The following CAMKMT variants were observed in gnomAD, a reference collection of about 807,000 sequenced individuals.
CAMKMT encodes the protein calmodulin-lysine N-methyltransferase, also known as CaM KMT.
In CAMKMT, 53 loss-of-function variants were observed where a neutral mutation model predicts 48.0. The ratio of observed to expected loss-of-function variants is 1.10; its 90% CI spans 0.89 to 1.39. The LOEUF is 1.39. CAMKMT is among the 40% of genes most tolerant of loss of function. The pLI is 0.00. For synonymous variants in CAMKMT, 165 were observed against 152.3 expected (o/e 1.08, Z -0.61); for missense variants, 428 against 402.7 (o/e 1.06, Z -0.54).
At chr2:44,637,348 A>G (rs1298353725) in intron 3 of CAMKMT, among the ~76,000 whole-genome samples, 4 of 152,244 alleles carry the variant, frequency 2.6e-5, no homozygotes, top group Non-Finnish European at 5.9e-5. Flanking sequence ...ACACCAGATT[A>G]TCATATTAAA....
intron 3 of CAMKMT, among the ~76,000 whole-genome samples, chr2:44,605,448 A>G (rs962810017): frequency 1.3e-5 from 2 of 152,262 alleles, no homozygotes; most frequent in East Asian, 1.9e-4. Context: ...ATTTTGGCAG[A>G]TGGAATCACA....
At chr2:44,675,393 A>T (rs1314743969) in intron 3 of CAMKMT, among the ~76,000 whole-genome samples, 1 of 152,126 alleles carries the variant, frequency 6.6e-6, no homozygotes, top group Non-Finnish European at 1.5e-5. Flanking sequence ...TAGAACTATT[A>T]AAGGGGCTTT....
intron 3 of CAMKMT, among the ~76,000 whole-genome samples, chr2:44,494,019 A>G (rs1470365783): frequency 6.6e-6 from 1 of 152,222 alleles, no homozygotes. Flanking sequence ...TCCATTTTAT[A>G]TAAACTTCAA....
At chr2:44,596,377 A>C (rs2103839749) in intron 3 of CAMKMT, among the ~76,000 whole-genome samples, 1 of 152,056 alleles carries the variant, frequency 6.6e-6, no homozygotes, top group Admixed American at 6.6e-5. Context: ...TAAACCCTGG[A>C]GGCGGAGGTT....
chr2:44,613,566 AG>A (rs1671712478), intron 3 of CAMKMT, among the ~76,000 whole-genome samples: 10 of 152,220 alleles, frequency 6.6e-5, no homozygotes, highest in Admixed American at 4.6e-4. Context: ...GGAAATAAAA[AG>A]GTGAATAAGT....
intron 8 of CAMKMT, 38 bp from the exon 9 acceptor site, chr2:44,754,017 C>T (rs1680266692): frequency 1.3e-6 from 2 of 1,544,312 alleles, no homozygotes; most frequent in African/African-American, 1.4e-5. Context: ...ACTTGAAAAC[C>T]CAGTTTAATC....
chr2:44,536,986 C>T lies in CAMKMT; in HGVS notation c.376+146681C>T, dbSNP rs573014357. 2.6e-5 allele frequency among the ~76,000 whole-genome samples: 4 copies of T among 152,140 alleles called. No homozygotes were observed. The Middle Eastern group carries it at 0.014, about 517-fold the overall frequency. On this transcript the variant is annotated intron_variant, in intron 3 of 10. Coordinates refer to ENST00000378494, the MANE Select transcript of CAMKMT (RefSeq NM_024766.5). ...CAGAAGAATGAAACTGGACCCATAT[C>T]TCTCTCCACGTACCAAAAAGCCAAC...
chr2:44,654,766 C>T (rs555363296), intron 3 of CAMKMT, among the ~76,000 whole-genome samples: 78 of 152,316 alleles, frequency 5.1e-4, no homozygotes, highest in African/African-American at 1.7e-3. Context: ...CCACCTGCTT[C>T]GGCCTCCCAA....
At chr2:44,506,546 A>G (rs909717897) in intron 3 of CAMKMT, among the ~76,000 whole-genome samples, 13 of 152,070 alleles carry the variant, frequency 8.5e-5, no homozygotes, top group Admixed American at 6.6e-4. Flanking sequence ...ATATTTTGGG[A>G]TAGATATTAT....
intron 3 of CAMKMT, among the ~76,000 whole-genome samples, chr2:44,438,621 G>A (rs937565906): frequency 4.6e-5 from 7 of 152,082 alleles, no homozygotes; most frequent in African/African-American, 1.7e-4. Flanking sequence ...ATCCCTACCT[G>A]TCTTCAGTTT....
chr2:44,506,046 G>A (rs539745402), intron 3 of CAMKMT, among the ~76,000 whole-genome samples: 2 of 152,060 alleles, frequency 1.3e-5, no homozygotes, highest in Admixed American at 6.5e-5. Context: ...TATAGAGACA[G>A]GATTTCACCA....
chr2:44,453,141 G>A (rs1041618556), intron 3 of CAMKMT, among the ~76,000 whole-genome samples: 20 of 151,918 alleles, frequency 1.3e-4, no homozygotes, highest in Admixed American at 1.2e-3. Context: ...AATTTGGTGT[G>A]CCTTGTGTTG....
chr2:44,605,502 G>T (rs1383834365), intron 3 of CAMKMT, among the ~76,000 whole-genome samples: 1 of 152,004 alleles, frequency 6.6e-6, no homozygotes, highest in Non-Finnish European at 1.5e-5. Flanking sequence ...ATACACACAG[G>T]TATATCATCA....
At chr2:44,642,168 A>G (rs944167690) in intron 3 of CAMKMT, among the ~76,000 whole-genome samples, 25 of 152,352 alleles carry the variant, frequency 1.6e-4, no homozygotes, top group African/African-American at 6.0e-4. Flanking sequence ...ACTATTTGTA[A>G]AGGAAGATAC....
At chr2:44,478,252 T>C (rs1668788297) in intron 3 of CAMKMT, among the ~76,000 whole-genome samples, 1 of 152,220 alleles carries the variant, frequency 6.6e-6, no homozygotes, top group Admixed American at 6.5e-5. Context: ...TTTTCATGGC[T>C]TTGAATTGGG....
chr2:44,704,361 A>C lies in CAMKMT; in HGVS notation c.437+18A>C, dbSNP rs1677426999. 1 of 1,535,376 alleles carries C rather than the reference A, an allele frequency of 6.5e-7. No individual in the cohort carries two copies. ...ATATTCAGGTACAGAGCTGCACTTA[A>C]GATATTTTTTAGCCCATCACGGATA... On this transcript the variant is annotated intron_variant, in intron 4 of 10. Coordinates refer to ENST00000378494, the MANE Select transcript of CAMKMT (RefSeq NM_024766.5).
intron 3 of CAMKMT, among the ~76,000 whole-genome samples, chr2:44,690,415 A>C (rs1676578972): frequency 6.6e-6 from 1 of 152,172 alleles, no homozygotes; most frequent in Non-Finnish European, 1.5e-5. Flanking sequence ...AGTTCTCTTG[A>C]TTCTAGGACC....
In CAMKMT at chr2:44,565,088, C is replaced by T. The variant is rs111685119; in HGVS notation, c.377-139195C>T. Among the ~76,000 whole-genome samples the T allele has an allele frequency of 2.0e-3, 306 of 152,278 alleles. No homozygotes were observed. In the Middle Eastern group the frequency reaches 0.027, roughly 14 times the overall value. ...TGGGTTGAGGGTTCTTCGGAGAAGGCATCTTTCTCATCTTTGTCTCTCACA... is the reference window on the plus strand; with the variant it reads ...TGGGTTGAGGGTTCTTCGGAGAAGGTATCTTTCTCATCTTTGTCTCTCACA... On this transcript the variant is annotated intron_variant, in intron 3 of 10. Coordinates refer to ENST00000378494, the MANE Select transcript of CAMKMT (RefSeq NM_024766.5).
chr2:44,586,214 A>G (rs1396349257), intron 3 of CAMKMT, among the ~76,000 whole-genome samples: 1 of 152,190 alleles, frequency 6.6e-6, no homozygotes, highest in African/African-American at 2.4e-5. Context: ...ATAGGGTTTC[A>G]GGATCACTTG....
Sources: allele counts gnomAD v4.1 joint callset (sites outside exome capture counted in the v4.1 genomes callset), GRCh38; gene constraint gnomAD v4.1.1; transcripts MANE v1.5; gene names NCBI Gene and HGNC (gene_info 2026-07-23, HGNC 2026-07-21).